Variants in CRB1 observed in about 807,000 individuals in gnomAD.
CRB1 encodes the protein protein crumbs homolog 1.
A neutral mutation model predicts 120.0 loss-of-function variants in CRB1; 83 were observed. The ratio of observed to expected loss-of-function variants is 0.69; its 90% CI spans 0.58 to 0.83. The LOEUF is 0.83. CRB1 is among the 40% of genes least tolerant of loss of function. The probability of loss-of-function intolerance (pLI) is 0.00; values close to 1 mark genes in which losing one functional copy is unlikely to be tolerated. For missense variants in CRB1, 1,699 were observed against 1,687.6 expected (o/e 1.01, Z -0.12); for synonymous variants, 625 against 612.5 (o/e 1.02, Z -0.30).
At chr1:197,235,255 A>T in the CRB1 span, among the ~76,000 whole-genome samples, 1 of 152,106 alleles carries the variant, frequency 6.6e-6, no homozygotes, top group African/African-American at 2.4e-5. Flanking sequence ...CTCCTTTCAA[A>T]GGGGGAATGC....
At chr1:197,227,586 G>T in the CRB1 span, among the ~76,000 whole-genome samples, 135 of 152,146 alleles carry the variant, frequency 8.9e-4, 1 homozygote, top group East Asian at 0.017. Context: ...GCAGGGTATA[G>T]CCCCCCTCCT....
intron 11 of CRB1, among the ~76,000 whole-genome samples, chr1:197,470,873 G>T (rs563751570): frequency 3.2e-4 from 48 of 152,188 alleles, no homozygotes; most frequent in Non-Finnish European, 5.4e-4. Context: ...TATGACCAAT[G>T]TCACAGCACA....
chr1:197,449,522 A>G (rs1185161006), intron 11 of CRB1, among the ~76,000 whole-genome samples: 1 of 151,910 alleles, frequency 6.6e-6, no homozygotes, highest in African/African-American at 2.4e-5. Context: ...GCCGGCCACC[A>G]CGCCCGGCTA....
At chr1:197,237,193 T>C in the CRB1 span, among the ~76,000 whole-genome samples, 1 of 152,220 alleles carries the variant, frequency 6.6e-6, no homozygotes, top group Non-Finnish European at 1.5e-5. Context: ...TATTGATTAC[T>C]AATTATTGAT....
At chr1:197,470,575 G>A (rs1666939177) in intron 11 of CRB1, among the ~76,000 whole-genome samples, 1 of 152,136 alleles carries the variant, frequency 6.6e-6, no homozygotes, top group Non-Finnish European at 1.5e-5. Context: ...TATTCACAAG[G>A]CCATGTGCTC....
intron 11 of CRB1, among the ~76,000 whole-genome samples, chr1:197,473,922 C>G (rs372716364): frequency 5.3e-5 from 8 of 151,572 alleles, no homozygotes; most frequent in African/African-American, 1.7e-4. Flanking sequence ...ATTTCAAAAC[C>G]CTACTCATTC....
chr1:197,354,032 A>C (rs1660276408), intron 4 of CRB1, among the ~76,000 whole-genome samples: 1 of 150,922 alleles, frequency 6.6e-6, no homozygotes, highest in Admixed American at 6.6e-5. Context: ...AAAAAAAAAA[A>C]AAACACCCCC....
chr1:197,221,490 C>A, the CRB1 span, among the ~76,000 whole-genome samples: 2 of 152,148 alleles, frequency 1.3e-5, no homozygotes, highest in South Asian at 2.1e-4. Flanking sequence ...CTCAGTGTTT[C>A]AGTTCTTTCT....
chr1:197,353,335 A>G (rs1185879359), intron 4 of CRB1, among the ~76,000 whole-genome samples: 1 of 152,272 alleles, frequency 6.6e-6, no homozygotes, highest in Admixed American at 6.5e-5. Context: ...TATGTTAAGG[A>G]TGTTGAATTC....
intron 5 of CRB1, among the ~76,000 whole-genome samples, chr1:197,401,708 C>T (rs1210424250): frequency 6.6e-6 from 1 of 151,998 alleles, no homozygotes; most frequent in African/African-American, 2.4e-5. Context: ...AACTAATATT[C>T]TTCCCAATGA....
intron 5 of CRB1, among the ~76,000 whole-genome samples, chr1:197,413,123 A>G (rs182707214): frequency 9.0e-4 from 137 of 152,294 alleles, no homozygotes; most frequent in African/African-American, 3.2e-3. Flanking sequence ...ATGACCTCTC[A>G]GCTTATACTG....
intron 5 of CRB1, among the ~76,000 whole-genome samples, chr1:197,416,707 A>G (rs1490252719): frequency 6.6e-6 from 1 of 151,926 alleles, no homozygotes; most frequent in Non-Finnish European, 1.5e-5. Context: ...TTTTTATTTT[A>G]TTTTATTTAT....
intron 5 of CRB1, among the ~76,000 whole-genome samples, chr1:197,388,593 A>G (rs1313401798): frequency 6.6e-6 from 1 of 152,062 alleles, no homozygotes; most frequent in East Asian, 1.9e-4. Flanking sequence ...CAGTTAAAAG[A>G]ATAATTAAAT....
chr1:197,442,020 G>C, intron 10 of CRB1, 146 bp from the exon 11 acceptor site: 1 of 919,084 alleles, frequency 1.1e-6, no homozygotes, highest in Non-Finnish European at 1.7e-6. Flanking sequence ...AAACATCTCC[G>C]ACATTATCAA....
chr1:197,456,333 TAATG>T (rs1281087173), intron 11 of CRB1, among the ~76,000 whole-genome samples: 1 of 152,154 alleles, frequency 6.6e-6, no homozygotes, highest in South Asian at 2.1e-4. Context: ...GTGATTGAGA[TAATG>T]AATGAGGTAT....
the CRB1 span, among the ~76,000 whole-genome samples, chr1:197,201,657 C>G: frequency 6.6e-6 from 1 of 152,098 alleles, no homozygotes; most frequent in Non-Finnish European, 1.5e-5. Context: ...AGTAGTTTGC[C>G]GAGGTGCAGT....
intron 5 of CRB1, among the ~76,000 whole-genome samples, chr1:197,359,116 T>C (rs1415397600): frequency 6.6e-6 from 1 of 152,166 alleles, no homozygotes; most frequent in African/African-American, 2.4e-5. Context: ...TACCTAATTT[T>C]CCCAATAGTA....
At chr1:197,348,335 A>G (rs1362317637) in intron 4 of CRB1, among the ~76,000 whole-genome samples, 3 of 152,220 alleles carry the variant, frequency 2.0e-5, no homozygotes, top group Non-Finnish European at 4.4e-5. Flanking sequence ...ATGTGGAGGT[A>G]GAAGACAGTG....
the CRB1 span, among the ~76,000 whole-genome samples, chr1:197,226,774 G>C: frequency 6.6e-6 from 1 of 152,264 alleles, no homozygotes; most frequent in African/African-American, 2.4e-5. Flanking sequence ...GGAAGAAAAA[G>C]AAGTTTAATT....
Sources: gnomAD v4.1 joint callset for allele counts (sites outside exome capture counted in the v4.1 genomes callset) on GRCh38, gnomAD v4.1.1 for gene constraint, MANE v1.5 for transcripts, NCBI Gene and HGNC (gene_info 2026-07-23, HGNC 2026-07-21) for gene names.